Variants in POLR1F observed in about 807,000 individuals in gnomAD.
POLR1F encodes DNA-directed RNA polymerase I subunit RPA43.
A neutral mutation model predicts 21.8 loss-of-function variants in POLR1F; 23 were observed. The ratio of observed to expected loss-of-function variants is 1.05; its 90% CI spans 0.76 to 1.49. The LOEUF is 1.49. POLR1F is among the 40% of genes most tolerant of loss of function. POLR1F has a pLI of 0.00. For missense variants in POLR1F, 435 were observed against 412.1 expected, an observed-to-expected ratio of 1.06 and a Z score of -0.48; for synonymous variants, 162 against 152.8, an observed-to-expected ratio of 1.06 and a Z score of -0.45.
intron 2 of POLR1F, among the ~76,000 whole-genome samples, chr7:19,701,550 T>G (rs957434597): frequency 9.9e-5 from 15 of 152,270 alleles, no homozygotes; most frequent in Middle Eastern, 3.4e-3. Flanking sequence ...CACAAACCTT[T>G]TTGGAAGGCC....
intron 1 of POLR1F, among the ~76,000 whole-genome samples, chr7:19,708,119 T>A (rs1333973361): frequency 6.6e-6 from 1 of 152,190 alleles, no homozygotes; most frequent in Non-Finnish European, 1.5e-5. Context: ...GCATACGTTT[T>A]GGTTTTTTCT....
In POLR1F at chr7:19,698,743, TA is replaced by T. The variant is rs757999271; in HGVS notation, c.606-17del. ...GAATTGTAAACTATAAATTAACAGT[TA>T]AAAAAATTAACAGAACAATAAGCAA... On this transcript the variant is annotated splice_polypyrimidine_tract_variant and intron_variant, in intron 3 of 3. Coordinates refer to ENST00000222567, the MANE Select transcript of POLR1F (RefSeq NM_001002926.2). The T allele has an allele frequency of 2.1e-5, 32 of 1,492,768 alleles. No individual in the cohort carries two copies. Among genetic ancestry groups the T allele is most frequent in the Middle Eastern group, 1.8e-4 (1 of 5,558 alleles). 92.5% of individuals were successfully genotyped at this position (1,492,768 alleles called of 1,614,324 possible).
intron 2 of POLR1F, among the ~76,000 whole-genome samples, chr7:19,703,111 C>A (rs1583402135): frequency 6.6e-6 from 1 of 152,264 alleles, no homozygotes; most frequent in East Asian, 1.9e-4. Context: ...GTGATATAGT[C>A]ATATAACTGA....
At position 19,708,811 on chromosome 7, in the gene POLR1F, G is replaced by A. The variant is rs780299577; in HGVS notation, c.206C>T (p.Thr69Ile). 5 of 1,614,118 alleles carry A rather than the reference G, an allele frequency of 3.1e-6. No individual in the cohort carries two copies. The highest frequency in any genetic ancestry group is 4.2e-6 in the Non-Finnish European group (5 of 1,179,936). The change falls in exon 1 of 4, where the codon ACC (threonine) becomes ATC (isoleucine). Residue 69 changes from threonine to isoleucine, a missense_variant. Physicochemically the swap from Thr to Ile is moderately conservative, Grantham distance 89 (BLOSUM62 -1). Coordinates refer to ENST00000222567, the MANE Select transcript of POLR1F (RefSeq NM_001002926.2). ...CGCATCAAGCTGTTCTCGAATGCCG[G>A]TGCGTTTCCTGTTAAGGTAGCGGGG... ...LSPRYLNRKRTGIREQLDAEL... is the reference protein window; with the variant it reads ...LSPRYLNRKRIGIREQLDAEL...
At chr7:19,705,202 C>A (rs370476788) in intron 1 of POLR1F, among the ~76,000 whole-genome samples, 5 of 152,150 alleles carry the variant, frequency 3.3e-5, no homozygotes, top group African/African-American at 1.2e-4. Context: ...CCACCTATGT[C>A]AAAAACAATA....
rs1381382295 is a variant in POLR1F, at chr7:19,709,020, G to A, written c.-4C>T. On this transcript the variant is annotated 5_prime_UTR_variant, in exon 1 of 4. Transcript: ENST00000222567. ...CCTCTGAGCAACCTGCAGCCATGCTGCTTGTCAAGGTTCCCACGGCGCGCG... is the reference window on the plus strand; with the variant it reads ...CCTCTGAGCAACCTGCAGCCATGCTACTTGTCAAGGTTCCCACGGCGCGCG... 2 of 1,567,264 alleles carry A rather than the reference G, an allele frequency of 1.3e-6. No individual in the cohort carries two copies. Among genetic ancestry groups the A allele is most frequent in the East Asian group, 2.3e-5 (1 of 44,126 alleles).
chr7:19,705,667 T>G (rs1436647372), intron 1 of POLR1F, among the ~76,000 whole-genome samples: 1 of 152,228 alleles, frequency 6.6e-6, no homozygotes, highest in African/African-American at 2.4e-5. Context: ...TGACTGACAC[T>G]TTAGTCTACA....
At chr7:19,704,674 T>A (rs573675836) in intron 2 of POLR1F, 105 bp downstream of exon 2, 89 of 996,234 alleles carry the variant, frequency 8.9e-5, no homozygotes, top group Non-Finnish European at 8.9e-5. Flanking sequence ...TTACTCACAA[T>A]AGCAATTTAT....
At chr7:19,707,472 A>G (rs535115906) in intron 1 of POLR1F, among the ~76,000 whole-genome samples, 69 of 152,306 alleles carry the variant, frequency 4.5e-4, no homozygotes, top group African/African-American at 1.5e-3. Context: ...CTCCTCTCCA[A>G]TGGCATCCAA....
At chr7:19,699,555 T>C (rs1783422504) in intron 3 of POLR1F, among the ~76,000 whole-genome samples, 1 of 152,220 alleles carries the variant, frequency 6.6e-6, no homozygotes, top group Non-Finnish European at 1.5e-5. Context: ...AGCAGCATTT[T>C]AAGAGTTGTC....
At chr7:19,706,824 G>C (rs1324754258) in intron 1 of POLR1F, among the ~76,000 whole-genome samples, 2 of 152,118 alleles carry the variant, frequency 1.3e-5, no homozygotes, top group Non-Finnish European at 2.9e-5. Flanking sequence ...ATCCTAAATA[G>C]GTATCAGGGC....
intron 2 of POLR1F, among the ~76,000 whole-genome samples, chr7:19,701,625 TAA>T (rs1489088121): frequency 1.3e-5 from 2 of 152,162 alleles, no homozygotes; most frequent in East Asian, 3.9e-4. Context: ...CTTAGAGCAT[TAA>T]GTTACAGAGT....
At chr7:19,705,075 T>G (rs999600898) in intron 1 of POLR1F, among the ~76,000 whole-genome samples, 155 bp from the exon 2 acceptor site, 1 of 152,180 alleles carries the variant, frequency 6.6e-6, no homozygotes, top group African/African-American at 2.4e-5. Flanking sequence ...TTGATCCTTC[T>G]GCCTCAGCCT....
Position 19,698,484 on chromosome 7 carries a change from C to T in POLR1F, c.849G>A (p.Lys283=). 6.2e-7 allele frequency: 1 copy of T among 1,611,794 alleles called. No homozygotes were observed. The highest frequency in any genetic ancestry group is 8.5e-7 in the Non-Finnish European group (1 of 1,179,472). ...EEPKKKKKKK[K]HQEVQDQDPV... is the part of the protein sequence containing the mutation. ...GGTCCTGGTCCTGAACTTCCTGGTG[C>T]TTTTTCTTCTTCTTCTTTTTCTTTG... The change falls in exon 4 of 4, where the codon AAG becomes AAA. Residue 283 remains lysine, a synonymous_variant. Coordinates refer to ENST00000222567, the MANE Select transcript of POLR1F (RefSeq NM_001002926.2).
In POLR1F at chr7:19,698,622, T is replaced by G; in HGVS notation, c.711A>C (p.Thr237=). The change falls in exon 4 of 4, where the codon ACA becomes ACC. Residue 237 remains threonine (T), a synonymous_variant. Coordinates refer to ENST00000222567, the MANE Select transcript of POLR1F (RefSeq NM_001002926.2). ...KKKKKKKDPE[T]YEVDSGTTKL... ...TTGTGGTACCACTGTCCACTTCATATGTCTCTGGGTCTTTCTTCTTTTTCT... is the reference window on the plus strand; with the variant it reads ...TTGTGGTACCACTGTCCACTTCATAGGTCTCTGGGTCTTTCTTCTTTTTCT... 3 of 1,609,014 alleles carry G rather than the reference T, an allele frequency of 1.9e-6. No homozygotes were observed. The highest frequency in any genetic ancestry group is 2.5e-6 in the Non-Finnish European group (3 of 1,178,926).
intron 3 of POLR1F, among the ~76,000 whole-genome samples, chr7:19,699,066 T>C (rs958183812): frequency 1.3e-5 from 2 of 152,214 alleles, no homozygotes; most frequent in African/African-American, 4.8e-5. Context: ...TCAGAAAAAT[T>C]TGGTCACTGA....
intron 1 of POLR1F, among the ~76,000 whole-genome samples, chr7:19,706,919 G>T (rs1783533951): frequency 6.6e-6 from 1 of 152,130 alleles, no homozygotes; most frequent in Non-Finnish European, 1.5e-5. Context: ...AAAGTGTGGT[G>T]CCTGATTTGC....
chr7:19,702,832 T>C (rs1166217730), intron 2 of POLR1F, among the ~76,000 whole-genome samples: 8 of 152,132 alleles, frequency 5.3e-5, no homozygotes, highest in Non-Finnish European at 1.2e-4. Flanking sequence ...CATAATGAGA[T>C]ACTACTATAT....
chr7:19,695,501 T>G lies in POLR1F; in HGVS notation c.*2815A>C, dbSNP rs1375980513. ...TGCTTTTTATTTATCAATTTAAAAT[T>G]ATCTGTTGATGCTTTCATTATACAA... On this transcript the variant is annotated 3_prime_UTR_variant, in exon 4 of 4. Transcript: ENST00000222567. 1.3e-5 allele frequency: 2 copies of G among 152,076 alleles called. No individual in the cohort carries two copies. Among genetic ancestry groups the G allele is most frequent in the Non-Finnish European group, 2.9e-5 (2 of 67,964 alleles). 9.4% of individuals were successfully genotyped at this position (152,076 alleles called of 1,614,324 possible). A position where few individuals can be genotyped will look rare whatever the true frequency, so the allele number is the denominator to read the frequency against.
Sources: gnomAD v4.1 joint callset for allele counts (sites outside exome capture counted in the v4.1 genomes callset) on GRCh38, gnomAD v4.1.1 for gene constraint, MANE v1.5 for transcripts, NCBI Gene and HGNC (gene_info 2026-07-23, HGNC 2026-07-21) for gene names.